CARMIL1: variants seen among roughly 807,000 people sequenced by gnomAD.
CARMIL1 encodes capping protein regulator and myosin 1 linker 1.
Under a neutral mutation model 177.1 loss-of-function variants are expected in CARMIL1, and 90 were observed. The ratio of observed to expected loss-of-function variants is 0.51; its 90% CI spans 0.43 to 0.61. CARMIL1 has a LOEUF of 0.61. Among genes scored for constraint, CARMIL1 ranks in the 20% least tolerant of loss-of-function variants. The pLI, the probability that CARMIL1 is intolerant of heterozygous loss-of-function variation, is 0.00. For missense variants in CARMIL1, 1,380 were observed against 1,667.0 expected, an observed-to-expected ratio of 0.83 and a Z score of 3.00; for synonymous variants, 577 against 606.2, an observed-to-expected ratio of 0.95 and a Z score of 0.71.
intron 2 of CARMIL1, among the ~76,000 whole-genome samples, chr6:25,394,985 A>T (rs985439195): frequency 6.6e-6 from 1 of 152,254 alleles, no homozygotes; most frequent in African/African-American, 2.4e-5. Context: ...TATTTATGGT[A>T]AGGTGTATCT....
intron 2 of CARMIL1, chr6:25,383,528 C>T (rs1276643532): frequency 6.6e-6 from 1 of 152,024 alleles, no homozygotes; most frequent in Non-Finnish European, 1.5e-5. Context: ...GTAAGATAAT[C>T]TTGATAACCT....
chr6:25,522,092 T>C (rs1483114785), intron 23 of CARMIL1, among the ~76,000 whole-genome samples: 1 of 152,260 alleles, frequency 6.6e-6, no homozygotes, highest in Non-Finnish European at 1.5e-5. Flanking sequence ...TCTACCATTG[T>C]GTAGCATAAA....
chr6:25,594,326 G>A (rs958153856), intron 31 of CARMIL1, 89 bp from the exon 32 acceptor site: 1 of 769,856 alleles, frequency 1.3e-6, no homozygotes, highest in Non-Finnish European at 2.1e-6. Flanking sequence ...CCCTCCCATA[G>A]CCCTTAATCA....
chr6:25,295,345 A>T (rs1391097563), intron 2 of CARMIL1, among the ~76,000 whole-genome samples: 1 of 152,178 alleles, frequency 6.6e-6, no homozygotes, highest in Non-Finnish European at 1.5e-5. Flanking sequence ...CCCACTGTAG[A>T]GGAGTACTGT....
At chr6:25,439,956 A>G (rs190119823) in intron 5 of CARMIL1, among the ~76,000 whole-genome samples, 1 of 152,294 alleles carries the variant, frequency 6.6e-6, no homozygotes, top group Admixed American at 6.5e-5. Context: ...AATATCCTTG[A>G]GAAAGTGAGA....
chr6:25,452,145 G>T, intron 8 of CARMIL1: 1 of 764,960 alleles, frequency 1.3e-6, no homozygotes, highest in South Asian at 1.3e-5. Context: ...GCACAGCCTG[G>T]GACTACGGAA....
rs746099289 is a variant in CARMIL1 at position 25,515,662 on chromosome 6, A to G, written c.1633-13A>G. The stretch of plus-strand genomic sequence containing the variant: ...ATGAGACTGCTGAGTGCCGTGTGTC[A>G]TTTGCTCCGCAGCCTCTGCAGTCCT... On this transcript the variant is annotated splice_polypyrimidine_tract_variant and intron_variant, in intron 20 of 36. Transcript: ENST00000329474. This position sits in a 1 kb window ranked among gnomAD's most constrained non-coding sequence, Gnocchi z 5.0. The G allele has an allele frequency of 6.5e-5, 104 of 1,590,096 alleles. No individual in the cohort carries two copies. Among genetic ancestry groups the G allele is most frequent in the Non-Finnish European group, 7.9e-5 (92 of 1,168,304 alleles).
At chr6:25,352,802 C>T (rs1425722459) in intron 2 of CARMIL1, among the ~76,000 whole-genome samples, 1 of 152,048 alleles carries the variant, frequency 6.6e-6, no homozygotes, top group Non-Finnish European at 1.5e-5. Context: ...TCTCTCTTAC[C>T]CATGGACAGT....
At position 25,619,501 on chromosome 6, in the gene CARMIL1, G is replaced by A. The variant is rs994391589; in HGVS notation, c.4034G>A (p.Arg1345Gln). ...CAGGAGTATCAAGAACAAAAGCAAC[G>A]GTCCTCCAGTAAAGATGGCCATCAA... ...QAQEYQEQKQ[R>Q]SSSKDGHQGS... The change falls in exon 37 of 37, where the codon CGG becomes CAG. Residue 1345 changes from arginine to glutamine, a missense_variant. Coordinates refer to ENST00000329474, the MANE Select transcript of CARMIL1 (RefSeq NM_017640.6). 5.6e-6 allele frequency: 9 copies of A among 1,613,768 alleles called. No individual in the cohort carries two copies. The highest frequency in any genetic ancestry group is 5.5e-5 in the South Asian group (5 of 91,060).
At chr6:25,527,343 C>T (rs1807253836) in intron 23 of CARMIL1, among the ~76,000 whole-genome samples, 1 of 152,212 alleles carries the variant, frequency 6.6e-6, no homozygotes, top group Non-Finnish European at 1.5e-5. Flanking sequence ...GGAAGCACCA[C>T]TGGTGCATCT....
rs1445834424 is a variant in CARMIL1 at position 25,606,180 on chromosome 6, C to T, written c.3754C>T (p.Pro1252Ser). ...GSRSRSSSST[P>S]TSPKPLLQSP... Reference sequence around the variant, plus strand: ...CAGGTCTCGGAGCTCATCCAGCACACCTACGAGCCCGAAGCCCCTCCTGCA... The same window carrying T: ...CAGGTCTCGGAGCTCATCCAGCACATCTACGAGCCCGAAGCCCCTCCTGCA... The change falls in exon 35 of 37, where the codon CCT (proline) becomes TCT (serine). Residue 1252 changes from proline (P) to serine (S), a missense_variant. Coordinates refer to ENST00000329474, the MANE Select transcript of CARMIL1 (RefSeq NM_017640.6). The T allele has an allele frequency of 6.8e-6, 11 of 1,613,962 alleles. No homozygotes were observed. Among genetic ancestry groups the T allele is most frequent in the Non-Finnish European group, 6.8e-6 (8 of 1,179,886 alleles).
chr6:25,495,717 G>T (rs1395094818), intron 16 of CARMIL1, among the ~76,000 whole-genome samples: 1 of 152,122 alleles, frequency 6.6e-6, no homozygotes, highest in Non-Finnish European at 1.5e-5. Context: ...ACTTTTATTT[G>T]GCAGCCAACT....
chr6:25,377,029 A>G (rs987732922), intron 2 of CARMIL1, among the ~76,000 whole-genome samples: 11 of 152,150 alleles, frequency 7.2e-5, no homozygotes, highest in African/African-American at 2.7e-4. Context: ...AGGAATGTTG[A>G]TGTTCAACAT....
chr6:25,441,335 A>ATG (rs1348225958), intron 5 of CARMIL1, among the ~76,000 whole-genome samples: 29 of 66,842 alleles, frequency 4.3e-4, no homozygotes, highest in African/African-American at 1.3e-3. Context: ...ATATATATAT[A>ATG]TATGTGTGTG....
intron 36 of CARMIL1, chr6:25,612,273 A>G (rs560180314): frequency 3.2e-4 from 49 of 152,318 alleles, no homozygotes; most frequent in African/African-American, 1.2e-3. Context: ...TGTGAGTTCT[A>G]TCTTTTTCTT....
At chr6:25,517,160 C>G (rs571241218) in intron 21 of CARMIL1, among the ~76,000 whole-genome samples, 187 bp from the exon 22 acceptor site, 1 of 152,130 alleles carries the variant, frequency 6.6e-6, no homozygotes, top group African/African-American at 2.4e-5. Context: ...AAATGTGTTA[C>G]GAATATAATA....
Position 25,515,530 on chromosome 6 carries a change from T to C in CARMIL1, c.1633-145T>C, listed in dbSNP as rs1176957133. On this transcript the variant is annotated intron_variant, in intron 20 of 36. Transcript: ENST00000329474. This position sits in a 1 kb window ranked among gnomAD's most constrained non-coding sequence, Gnocchi z 5.0. ...ATTTTGTGCCAGAACCTTAAGTTTC[T>C]ATCCACGAGTGTCTTTTAGGTAGTA... 5.9e-6 allele frequency: 4 copies of C among 674,756 alleles called. No individual in the cohort carries two copies. Among genetic ancestry groups the C allele is most frequent in the Non-Finnish European group, 9.1e-6 (4 of 439,654 alleles). 41.8% of individuals were successfully genotyped at this position (674,756 alleles called of 1,614,324 possible).
chr6:25,616,451 G>T (rs941039214), intron 36 of CARMIL1, among the ~76,000 whole-genome samples: 15 of 152,196 alleles, frequency 9.9e-5, no homozygotes, highest in Non-Finnish European at 1.8e-4. Context: ...AGGTGCACCT[G>T]TAGTGTCTGC....
At chr6:25,453,358 C>T (rs932828709) in intron 8 of CARMIL1, among the ~76,000 whole-genome samples, 5 of 151,868 alleles carry the variant, frequency 3.3e-5, no homozygotes, top group Non-Finnish European at 5.9e-5. Flanking sequence ...AATAACTATA[C>T]GTTGTCATTT....
Sources: allele counts gnomAD v4.1 joint callset (sites outside exome capture counted in the v4.1 genomes callset), GRCh38; gene constraint gnomAD v4.1.1; non-coding constraint Gnocchi (gnomAD v3.1); transcripts MANE v1.5; gene names NCBI Gene and HGNC (gene_info 2026-07-23, HGNC 2026-07-21).